The following SETD4 variants were observed in gnomAD, a reference collection of about 807,000 sequenced individuals.
SETD4 encodes the protein SET domain-containing protein 4.
In SETD4, 46 loss-of-function variants were observed where a neutral mutation model predicts 58.3. The observed-to-expected ratio is 0.79, with a 90% CI of 0.62 to 1.01. SETD4 has a LOEUF of 1.01. SETD4 is among the 50% of genes least tolerant of loss of function. SETD4 has a pLI of 0.00. For missense variants in SETD4, 490 were observed against 523.3 expected, an observed-to-expected ratio of 0.94 and a Z score of 0.62; for synonymous variants, 190 against 202.6, an observed-to-expected ratio of 0.94 and a Z score of 0.53.
In SETD4 at chr21:36,045,594, G is replaced by A. The variant is rs996891029; in HGVS notation, c.714C>T (p.Ser238=). The A allele has an allele frequency of 1.2e-6, 2 of 1,613,582 alleles. No individual in the cohort carries two copies. The highest frequency in any genetic ancestry group is 3.3e-5 in the Admixed American group (2 of 60,018). The change falls in exon 6 of 12, where the codon AGC becomes AGT. Residue 238 remains serine, a synonymous_variant. Transcript: ENST00000332131. ...LAPYLDLLNH[S]PHVQVKAAFN... The stretch of plus-strand genomic sequence containing the variant: ...GTCAGCTTCTCACCTGGACATGTGG[G>A]CTATGATTCAGCAGGTCCAGGTACG...
intron 1 of SETD4, chr21:36,060,039 G>C (rs2065214007): frequency 3.0e-6 from 3 of 985,412 alleles, no homozygotes; most frequent in Non-Finnish European, 3.6e-6. Flanking sequence ...AACTCTAGCC[G>C]TGAGGCCGTC....
At chr21:36,057,423 C>T (rs558277718) in intron 2 of SETD4, 1 of 703,432 alleles carries the variant, frequency 1.4e-6, no homozygotes, top group Admixed American at 2.1e-5. Context: ...GGCGGGAGGA[C>T]TGCTTGAGGC....
At chr21:36,059,736 AC>A in intron 1 of SETD4, 1 of 984,362 alleles carries the variant, frequency 1.0e-6, no homozygotes, top group Non-Finnish European at 1.2e-6. Flanking sequence ...TACTTCTAAA[AC>A]ATACGAGGGC....
chr21:36,057,806 A>C (rs2123785196), intron 2 of SETD4, among the ~76,000 whole-genome samples: 1 of 152,374 alleles, frequency 6.6e-6, no homozygotes, highest in Non-Finnish European at 1.5e-5. Flanking sequence ...TCCACACGTA[A>C]ATTTTTGACA....
chr21:36,053,616 T>G lies in SETD4; in HGVS notation c.174A>C (p.Thr58=), dbSNP rs754922548. 2 of 1,614,088 alleles carry G rather than the reference T, an allele frequency of 1.2e-6. No individual in the cohort carries two copies. ...ATGTTTGACTCATCAGCCCTCTTCC[T>G]GTACCTAGGAAAGCAAAGACAGAAA... The part of the protein sequence containing the change: ...SNLAPACFPG[T]GRGLMSQTSL... The change falls in exon 4 of 12, where the codon ACA becomes ACC. Residue 58 remains threonine (T), a synonymous_variant. Coordinates refer to ENST00000332131, the MANE Select transcript of SETD4 (RefSeq NM_017438.5).
intron 5 of SETD4, 71 bp downstream of exon 5, chr21:36,048,237 T>A (rs1260596373): frequency 8.5e-7 from 1 of 1,174,056 alleles, no homozygotes; most frequent in Non-Finnish European, 1.3e-6. Flanking sequence ...GTGTCTCAAG[T>A]GACATATTTG....
chr21:36,056,654 G>C (rs1453835318), intron 3 of SETD4, among the ~76,000 whole-genome samples: 2 of 152,162 alleles, frequency 1.3e-5, no homozygotes, highest in Non-Finnish European at 2.9e-5. Flanking sequence ...AGCCTCCCGG[G>C]CTCAAGCAAT....
At chr21:36,054,793 TC>T (rs1239391059) in intron 3 of SETD4, among the ~76,000 whole-genome samples, 1 of 147,434 alleles carries the variant, frequency 6.8e-6, no homozygotes, top group Admixed American at 6.8e-5. Flanking sequence ...TGCTCCTGGC[TC>T]ATGGTGGGAA....
At position 36,045,971 on chromosome 21, in the gene SETD4, A is replaced by T. The variant is rs752879070; in HGVS notation, c.337T>A (p.Phe113Ile). 6.2e-7 allele frequency: 1 copy of T among 1,614,168 alleles called. No homozygotes were observed. Among genetic ancestry groups the T allele is most frequent in the African/African-American group, 1.3e-5 (1 of 75,068 alleles). The change falls in exon 6 of 12, where the codon TTT (phenylalanine) becomes ATT (isoleucine). Residue 113 changes from phenylalanine to isoleucine, a missense_variant. Transcript: ENST00000332131. ...CCAGCATGCTTTTCTGAAACTAAAA[A>T]GGTGCACAGCGCCAGCAGAGGAGAT... ...PPSPLLALCTFLVSEKHAGHR... is the reference protein window; with the variant it reads ...PPSPLLALCTILVSEKHAGHR...
In SETD4 at chr21:36,043,973, T is replaced by A. The variant is rs1303820834; in HGVS notation, c.727-17A>T. On this transcript the variant is annotated splice_polypyrimidine_tract_variant and intron_variant, in intron 6 of 11. Coordinates refer to ENST00000332131, the MANE Select transcript of SETD4 (RefSeq NM_017438.5). ...TGCTTTTACCTAGAAAGAAAAACTG[T>A]TAAGGTATTTTTTAAAGTAAGGTGT... 1.9e-6 allele frequency: 3 copies of A among 1,611,530 alleles called. No homozygotes were observed. The East Asian group carries it at 6.7e-5, about 36-fold the overall frequency.
Position 36,035,315 on chromosome 21 carries a change from G to C in SETD4, c.*678C>G, listed in dbSNP as rs1223467790. On this transcript the variant is annotated 3_prime_UTR_variant, in exon 12 of 12. Coordinates refer to ENST00000332131, the MANE Select transcript of SETD4 (RefSeq NM_017438.5). ...CTACACTGAACCCCAGAATCAAGCA[G>C]ACAGGCCCACCACGGCCCAGCTGTG... is the stretch of plus-strand genomic sequence containing the variant. The C allele has an allele frequency of 6.6e-6, 1 of 152,488 alleles. No individual in the cohort carries two copies. The highest frequency in any genetic ancestry group is 1.5e-5 in the Non-Finnish European group (1 of 68,238). The allele number at this position is 152,488 out of a possible 1,614,324, so 9.4% of individuals were successfully genotyped here.
intron 6 of SETD4, 33 bp from the exon 7 acceptor site, chr21:36,043,989 A>G: frequency 1.2e-6 from 2 of 1,604,848 alleles, no homozygotes; most frequent in Non-Finnish European, 8.5e-7. Flanking sequence ...TATTTTTTAA[A>G]GTAAGGTGTA....
chr21:36,060,095 C>A (rs992925871), intron 1 of SETD4: 53 of 985,524 alleles, frequency 5.4e-5, no homozygotes, highest in Non-Finnish European at 6.4e-5. Context: ...GCCAGCCAGG[C>A]GAGCATCGGA....
rs548644524 is a variant in SETD4, at chr21:36,045,490, C to T, written c.726+92G>A. 1.6e-4 allele frequency: 238 copies of T among 1,480,656 alleles called. 1 individual carries two copies. The South Asian group carries it at 2.8e-3, about 18-fold the overall frequency. 91.7% of individuals were successfully genotyped at this position (1,480,656 alleles called of 1,614,324 possible). On this transcript the variant is annotated intron_variant, in intron 6 of 11. Transcript: ENST00000332131. ...CACCTGAAGCCGCCGACACCTCTCC[C>T]TGTGGTGCCACCCACATCTACAGCC...
intron 5 of SETD4, among the ~76,000 whole-genome samples, chr21:36,046,423 C>T (rs528964692): frequency 7.2e-5 from 11 of 152,240 alleles, no homozygotes; most frequent in South Asian, 2.1e-4. Flanking sequence ...CTGCACCATC[C>T]GATATAGTAA....
rs570642636 is a variant in SETD4, at chr21:36,045,666, C to T, written c.642G>A (p.Arg214=). The T allele has an allele frequency of 2.2e-5, 35 of 1,614,148 alleles. 1 individual carries two copies. In the South Asian group the frequency reaches 3.5e-4, roughly 16 times the overall value. Reference sequence around the variant, plus strand: ...GCTCTGCAGAAAGGCATTCCCGCTGCCTGGGCCTCAGGTACACGGCTCTGG... The same window carrying T: ...GCTCTGCAGAAAGGCATTCCCGCTGTCTGGGCCTCAGGTACACGGCTCTGG... ...VNTRAVYLRP[R]QRECLSAEPD... is the part of the protein sequence containing the mutation. The change falls in exon 6 of 12, where the codon AGG becomes AGA. Residue 214 remains arginine (R), a synonymous_variant. Transcript: ENST00000332131.
chr21:36,036,277 T>C (rs1601183340), intron 10 of SETD4, 26 bp from the exon 11 acceptor site: 1 of 1,554,954 alleles, frequency 6.4e-7, no homozygotes, highest in East Asian at 2.2e-5. Flanking sequence ...TAATTATTGT[T>C]ATTGTAGTAA....
intron 6 of SETD4, among the ~76,000 whole-genome samples, chr21:36,044,229 C>T (rs1030535401): frequency 7.9e-5 from 12 of 152,224 alleles, no homozygotes; most frequent in African/African-American, 2.9e-4. Context: ...TTATTGGTCA[C>T]GTCCACTCAC....
intron 7 of SETD4, chr21:36,042,582 T>C (rs966000590): frequency 6.6e-6 from 1 of 152,208 alleles, no homozygotes; most frequent in Non-Finnish European, 1.5e-5. Context: ...TTATTCTGCC[T>C]ATAAGATGGA....
Sources: allele counts gnomAD v4.1 joint callset (sites outside exome capture counted in the v4.1 genomes callset), GRCh38; gene constraint gnomAD v4.1.1; transcripts MANE v1.5; gene names NCBI Gene and HGNC (gene_info 2026-07-23, HGNC 2026-07-21).